FAF2: variants seen among roughly 807,000 people sequenced by gnomAD.
FAF2 encodes the protein Fas associated factor family member 2, also known as FAS-associated factor 2.
A neutral mutation model predicts 62.3 loss-of-function variants in FAF2; 9 were observed. The observed-to-expected ratio is 0.14, with a 90% CI of 0.09 to 0.25. FAF2 has a LOEUF of 0.25. FAF2 is among the 10% of genes least tolerant of loss of function. FAF2 has a pLI of 1.00. For synonymous variants in FAF2, 202 were observed against 198.0 expected (o/e 1.02, Z -0.17); for missense variants, 368 against 556.2 (o/e 0.66, Z 3.40).
chr5:176,450,138 C>G (rs751469614), intron 1 of FAF2, among the ~76,000 whole-genome samples: 29 of 152,176 alleles, frequency 1.9e-4, no homozygotes, highest in Non-Finnish European at 3.4e-4. Flanking sequence ...CTTGAATAGA[C>G]TTCACTATAA....
rs1401497872 is a variant in FAF2, at chr5:176,507,558, C to A, written c.*608C>A. 6.1e-6 allele frequency: 1 copy of A among 163,338 alleles called. No individual in the cohort carries two copies. The highest frequency in any genetic ancestry group is 1.3e-5 in the Non-Finnish European group (1 of 74,512). 10.1% of individuals were successfully genotyped at this position (163,338 alleles called of 1,614,324 possible). A position where few individuals can be genotyped will look rare whatever the true frequency, so the allele number is the denominator to read the frequency against. ...TCCTTTATTTGATAAAGAGCCAATT[C>A]TTTAAACCCATGAGTTTATGCCCTG... is the stretch of plus-strand genomic sequence containing the variant. On this transcript the variant is annotated 3_prime_UTR_variant, in exon 11 of 11. Transcript: ENST00000261942.
intron 1 of FAF2, among the ~76,000 whole-genome samples, chr5:176,463,816 G>A (rs997312869): frequency 1.4e-5 from 2 of 145,704 alleles, no homozygotes; most frequent in Admixed American, 7.2e-5. Context: ...TGCAACCTCC[G>A]CCTCCCGGGT....
chr5:176,502,337 T>C (rs924911664), intron 10 of FAF2, among the ~76,000 whole-genome samples: 5 of 152,164 alleles, frequency 3.3e-5, no homozygotes, highest in African/African-American at 1.2e-4. Context: ...TCCCAGCACT[T>C]TGGGAGGCCG....
intron 1 of FAF2, among the ~76,000 whole-genome samples, chr5:176,472,736 GA>G (rs1308774902): frequency 7.7e-6 from 1 of 129,234 alleles, no homozygotes; most frequent in Admixed American, 7.8e-5. Flanking sequence ...AAAAAAAAAA[GA>G]AAAGAAAGAA....
intron 10 of FAF2, 27 bp from the exon 11 acceptor site, chr5:176,506,741 C>T (rs1670103590): frequency 6.3e-7 from 1 of 1,598,754 alleles, no homozygotes; most frequent in Admixed American, 1.7e-5. Context: ...TTCTCACCAC[C>T]CTTCTTTTTC....
At chr5:176,498,830 C>T in intron 8 of FAF2, 84 bp from the exon 9 acceptor site, 1 of 1,288,772 alleles carries the variant, frequency 7.8e-7, no homozygotes, top group Non-Finnish European at 1.0e-6. Context: ...TACACACACA[C>T]ACACACAGAA....
At chr5:176,448,730 T>G (rs1758114066) in intron 1 of FAF2, among the ~76,000 whole-genome samples, 1 of 152,124 alleles carries the variant, frequency 6.6e-6, no homozygotes, top group African/African-American at 2.4e-5. Context: ...TGGTTTGCCT[T>G]AGCGGCGTCA....
chr5:176,455,270 T>C (rs1758261444), intron 1 of FAF2, among the ~76,000 whole-genome samples: 1 of 152,002 alleles, frequency 6.6e-6, no homozygotes, highest in African/African-American at 2.4e-5. Context: ...ACCTCATCTC[T>C]ACTAAAACTA....
chr5:176,453,695 A>G (rs1312871624), intron 1 of FAF2: 1 of 152,134 alleles, frequency 6.6e-6, no homozygotes, highest in Non-Finnish European at 1.5e-5. Flanking sequence ...ACTTTTCAAC[A>G]GCTTATGGTG....
At chr5:176,474,449 C>T (rs999012226) in intron 1 of FAF2, among the ~76,000 whole-genome samples, 12 of 152,192 alleles carry the variant, frequency 7.9e-5, no homozygotes, top group African/African-American at 2.9e-4. Context: ...TCTTAGCACC[C>T]CCCTTCCCCC....
At chr5:176,485,953 G>C (rs1220302157) in intron 2 of FAF2, among the ~76,000 whole-genome samples, 1 of 152,178 alleles carries the variant, frequency 6.6e-6, no homozygotes, top group Non-Finnish European at 1.5e-5. Flanking sequence ...CCCTTCATCA[G>C]ATGCCACTCA....
chr5:176,506,618 A>G, intron 10 of FAF2, 150 bp from the exon 11 acceptor site: 1 of 630,624 alleles, frequency 1.6e-6, no homozygotes, highest in East Asian at 2.7e-5. Context: ...AAAAGATTAG[A>G]ATTCCAGTGT....
intron 1 of FAF2, among the ~76,000 whole-genome samples, chr5:176,459,084 T>TA (rs1229521720): frequency 6.6e-6 from 1 of 152,188 alleles, no homozygotes; most frequent in Non-Finnish European, 1.5e-5. Context: ...TGCTGCATGA[T>TA]AGATGCTCAA....
rs201993162 is a variant in FAF2, at chr5:176,499,167, AATG to A, written c.1011+85_1011+87del. 5.7e-3 allele frequency: 7,584 copies of A among 1,333,530 alleles called. 34 individuals are homozygous for A. Among genetic ancestry groups the A allele is most frequent in the Non-Finnish European group, 6.3e-3 (6,338 of 999,388 alleles). The allele number at this position is 1,333,530 out of a possible 1,614,324, so 82.6% of individuals were successfully genotyped here. Reference sequence around the variant, plus strand: ...CTTGGTCTTAAGTGTGAAAGGAAAAAATGATAGCCACCTTAAACAGACTAAGAG... The same window carrying A: ...CTTGGTCTTAAGTGTGAAAGGAAAAAATAGCCACCTTAAACAGACTAAGAG... On this transcript the variant is annotated intron_variant, in intron 9 of 10. Transcript: ENST00000261942.
intron 1 of FAF2, among the ~76,000 whole-genome samples, chr5:176,461,846 T>C (rs1758385307): frequency 2.0e-5 from 3 of 152,240 alleles, no homozygotes; most frequent in Admixed American, 2.0e-4. Flanking sequence ...GCAAATGTTT[T>C]TGGGGACTTA....
intron 1 of FAF2, among the ~76,000 whole-genome samples, chr5:176,451,892 A>ATTTTT (rs1174600881): frequency 9.2e-5 from 2 of 21,670 alleles, no homozygotes; most frequent in Non-Finnish European, 1.6e-4. Flanking sequence ...ATATATATAT[A>ATTTTT]TTTTTTTTTT....
At chr5:176,449,609 G>A (rs1457905950) in intron 1 of FAF2, among the ~76,000 whole-genome samples, 4 of 151,990 alleles carry the variant, frequency 2.6e-5, no homozygotes, top group Non-Finnish European at 4.4e-5. Context: ...GAGGATGTTC[G>A]GGAGATCAAA....
chr5:176,506,637 T>C, intron 10 of FAF2, 131 bp from the exon 11 acceptor site: 1 of 695,110 alleles, frequency 1.4e-6, no homozygotes, highest in Non-Finnish European at 2.4e-6. Context: ...GTAATGTGAT[T>C]CTTTCCTATA....
Position 176,496,517 on chromosome 5 carries a change from A to G in FAF2, c.693A>G (p.Pro231=), listed in dbSNP as rs753429757. ...VSQALRENTY[P]FLAMIMLKDR... is the part of the protein sequence containing the mutation. Reference sequence around the variant, plus strand: ...AGGCTTTACGAGAGAACACCTATCCATTCCTGGCCATGATTATGCTGAAGG... The same window carrying G: ...AGGCTTTACGAGAGAACACCTATCCGTTCCTGGCCATGATTATGCTGAAGG... The change falls in exon 8 of 11, where the codon CCA becomes CCG. Residue 231 remains proline, a synonymous_variant. Coordinates refer to ENST00000261942, the MANE Select transcript of FAF2 (RefSeq NM_014613.3). The G allele has an allele frequency of 1.2e-6, 2 of 1,608,368 alleles. No individual in the cohort carries two copies.
Sources: allele counts gnomAD v4.1 joint callset (sites outside exome capture counted in the v4.1 genomes callset), GRCh38; gene constraint gnomAD v4.1.1; transcripts MANE v1.5; gene names NCBI Gene and HGNC (gene_info 2026-07-23, HGNC 2026-07-21).